The following RHBDD1 variants were observed in gnomAD, a reference collection of about 807,000 sequenced individuals.
The protein encoded by RHBDD1 is rhomboid-related protein 4.
RHBDD1 carries 38 observed loss-of-function variants against 36.3 expected under a neutral mutation model. That is an observed-to-expected ratio of 1.05 (90% CI 0.81 to 1.37). The LOEUF is 1.37. Among genes scored for constraint, RHBDD1 ranks in the 40% most tolerant of loss-of-function variants. The pLI is 0.00. For missense variants in RHBDD1, 393 were observed against 377.6 expected, an observed-to-expected ratio of 1.04 and a Z score of -0.34; for synonymous variants, 151 against 136.5, an observed-to-expected ratio of 1.11 and a Z score of -0.74.
At chr2:226,910,210 G>T (rs955231943) in intron 7 of RHBDD1, among the ~76,000 whole-genome samples, 1 of 152,190 alleles carries the variant, frequency 6.6e-6, no homozygotes, top group Admixed American at 6.5e-5. Context: ...GAGGACTGAA[G>T]AGAACAGCTT....
chr2:226,849,237 C>T (rs1942540909), intron 3 of RHBDD1, among the ~76,000 whole-genome samples: 1 of 152,178 alleles, frequency 6.6e-6, no homozygotes, highest in Admixed American at 6.5e-5. Flanking sequence ...TCAGTAGGAC[C>T]AATTTAGGTT....
At chr2:226,947,722 A>G (rs1463567019) in intron 8 of RHBDD1, among the ~76,000 whole-genome samples, 4 of 152,356 alleles carry the variant, frequency 2.6e-5, no homozygotes, top group South Asian at 4.1e-4. Flanking sequence ...ACAAATTTAC[A>G]AGAAAAAAAC....
chr2:226,861,216 A>C (rs1455776236), intron 3 of RHBDD1, among the ~76,000 whole-genome samples: 1 of 152,216 alleles, frequency 6.6e-6, no homozygotes, highest in Non-Finnish European at 1.5e-5. Flanking sequence ...AAAAATCATT[A>C]AAGTGGAAGC....
At chr2:226,932,092 G>T (rs938814041) in intron 8 of RHBDD1, among the ~76,000 whole-genome samples, 4 of 151,906 alleles carry the variant, frequency 2.6e-5, no homozygotes, top group African/African-American at 9.7e-5. Flanking sequence ...TGTAGGATGA[G>T]GTTTGCTATT....
At chr2:226,962,063 G>A (rs1315340528) in intron 8 of RHBDD1, among the ~76,000 whole-genome samples, 4 of 152,112 alleles carry the variant, frequency 2.6e-5, no homozygotes, top group Admixed American at 1.3e-4. Flanking sequence ...GAAGAGATGG[G>A]AACTCCCTCC....
At chr2:226,899,428 C>T (rs1456867995) in intron 5 of RHBDD1, among the ~76,000 whole-genome samples, 1 of 152,154 alleles carries the variant, frequency 6.6e-6, no homozygotes, top group South Asian at 2.1e-4. Flanking sequence ...AGCACCCCCT[C>T]TGTGTCAGGA....
At chr2:226,927,480 C>G (rs1202886893) in intron 8 of RHBDD1, among the ~76,000 whole-genome samples, 1 of 151,868 alleles carries the variant, frequency 6.6e-6, no homozygotes, top group Non-Finnish European at 1.5e-5. Flanking sequence ...TTCATGTCAC[C>G]TAGGTAAGCA....
intron 8 of RHBDD1, among the ~76,000 whole-genome samples, chr2:226,946,782 G>A (rs1384750419): frequency 6.6e-6 from 1 of 152,090 alleles, no homozygotes; most frequent in Non-Finnish European, 1.5e-5. Context: ...ACCCTCCCAA[G>A]ACTAAATCAG....
chr2:226,914,397 G>T (rs1445045173), intron 8 of RHBDD1, 46 bp downstream of exon 8: 11 of 1,552,930 alleles, frequency 7.1e-6, no homozygotes, highest in Non-Finnish European at 9.6e-6. Flanking sequence ...TACCTCATGT[G>T]GTAAGGTAGT....
At chr2:226,960,841 T>A (rs1952141405) in intron 8 of RHBDD1, among the ~76,000 whole-genome samples, 1 of 152,180 alleles carries the variant, frequency 6.6e-6, no homozygotes, top group African/African-American at 2.4e-5. Context: ...CTGTCAGAGA[T>A]TCGAGTATCT....
chr2:226,988,366 C>T lies in RHBDD1; in HGVS notation c.857-7065C>T, dbSNP rs1283436344. 1.9e-6 allele frequency: 3 copies of T among 1,550,358 alleles called. No individual in the cohort carries two copies. The Admixed American group carries it at 5.9e-5, about 30-fold the overall frequency. ...GTCATAAAGAGACAATGGCAAGTCT[C>T]CTGGACCCCAAGATAAAGGTCAGAA... On this transcript the variant is annotated intron_variant, in intron 8 of 8. Transcript: ENST00000392062.
intron 8 of RHBDD1, among the ~76,000 whole-genome samples, chr2:226,954,323 A>AT (rs540649761): frequency 1.3e-3 from 193 of 152,098 alleles, no homozygotes; most frequent in Non-Finnish European, 1.1e-3. Context: ...CCATAGGTTC[A>AT]TTTTTTTCAA....
chr2:226,821,454 CCTGCCCCATGACTTACTGG>C, the RHBDD1 span, among the ~76,000 whole-genome samples: 5 of 152,000 alleles, frequency 3.3e-5, no homozygotes, highest in Non-Finnish European at 7.4e-5. Flanking sequence ...ACCCCTGCCC[CCTGCCCCATGACTTACTGG>C]CTCTCAATAG....
upstream of RHBDD1, among the ~76,000 whole-genome samples, chr2:226,833,837 G>A (rs1425748971): frequency 2.6e-5 from 4 of 152,154 alleles, no homozygotes; most frequent in African/African-American, 9.7e-5. Context: ...TATTATCCAA[G>A]TGATATTTGT....
chr2:226,993,845 A>ATGTT (rs1958806776), intron 8 of RHBDD1, among the ~76,000 whole-genome samples: 5 of 152,218 alleles, frequency 3.3e-5, no homozygotes, highest in Non-Finnish European at 7.3e-5. Flanking sequence ...TTTCTCTAAC[A>ATGTT]TCTTTTCACT....
the RHBDD1 span, among the ~76,000 whole-genome samples, chr2:226,803,885 T>TAATGCAGGTTCTGGTTA: frequency 5.3e-5 from 8 of 152,254 alleles, no homozygotes; most frequent in African/African-American, 1.4e-4. Context: ...GATCTTGTTA[T>TAATGCAGGTTCTGGTTA]AATGCAGGTT....
At chr2:226,978,090 A>G (rs918835412) in intron 8 of RHBDD1, among the ~76,000 whole-genome samples, 5 of 152,100 alleles carry the variant, frequency 3.3e-5, no homozygotes, top group African/African-American at 1.2e-4. Flanking sequence ...TTCTACTGTG[A>G]GATAATTATC....
rs1223593626 is a variant in RHBDD1 at position 226,999,125 on chromosome 2, G to GT, written c.*3606dup. The GT allele has an allele frequency of 6.6e-6, 1 of 152,178 alleles. No individual in the cohort carries two copies. The highest frequency in any genetic ancestry group is 1.5e-5 in the Non-Finnish European group (1 of 68,034). The allele number at this position is 152,178 out of a possible 1,614,324, so 9.4% of individuals were successfully genotyped here. On this transcript the variant is annotated 3_prime_UTR_variant, in exon 9 of 9. Coordinates refer to ENST00000392062, the MANE Select transcript of RHBDD1 (RefSeq NM_001167608.3). ...AGCTTCATGAGGGCAGGGACCATCT[G>GT]TTTCTCTGTCTCTCCTCACAGTGCC... is the stretch of plus-strand genomic sequence containing the variant.
At chr2:226,835,922 G>C (rs1162125667), upstream of RHBDD1, 1 of 152,418 alleles carries the variant, frequency 6.6e-6, no homozygotes, top group East Asian at 1.9e-4. Context: ...GCAGACAGCA[G>C]AGCGCGGGCG....
Sources: gnomAD v4.1 joint callset for allele counts (sites outside exome capture counted in the v4.1 genomes callset) on GRCh38, gnomAD v4.1.1 for gene constraint, MANE v1.5 for transcripts, NCBI Gene and HGNC (gene_info 2026-07-23, HGNC 2026-07-21) for gene names.